PCDHA1: variants seen among roughly 807,000 people sequenced by gnomAD.
PCDHA1 encodes protocadherin alpha 1, also known as protocadherin alpha-1.
PCDHA1 carries 42 observed loss-of-function variants against 61.3 expected under a neutral mutation model. The observed-to-expected ratio is 0.69, with a 90% CI of 0.54 to 0.89. The LOEUF (loss-of-function observed/expected upper bound fraction) is 0.89, where lower values mean the gene tolerates loss of function less well. PCDHA1 is among the 40% of genes least tolerant of loss of function. The pLI is 0.00. For missense variants in PCDHA1, 1,256 were observed against 1,235.3 expected, an observed-to-expected ratio of 1.02 and a Z score of -0.25; for synonymous variants, 610 against 553.8, an observed-to-expected ratio of 1.10 and a Z score of -1.43.
chr5:140,858,323 G>A, intron 1 of PCDHA1: 2 of 1,596,704 alleles, frequency 1.3e-6, no homozygotes, highest in Non-Finnish European at 1.7e-6. Context: ...GGTGTGTTCT[G>A]GGGAGGGCCT....
At chr5:140,829,006 G>T (rs1461525244) in intron 1 of PCDHA1, 12 of 1,613,634 alleles carry the variant, frequency 7.4e-6, no homozygotes, top group Non-Finnish European at 1.0e-5. Flanking sequence ...TAGTGATTCG[G>T]GGTAATTTGG....
chr5:140,836,197 C>T, intron 1 of PCDHA1: 1 of 1,613,818 alleles, frequency 6.2e-7, no homozygotes, highest in Non-Finnish European at 8.5e-7. Flanking sequence ...GGCTACAACG[C>T]GTGGCTTTCG....
chr5:140,808,295 G>C, intron 1 of PCDHA1: 5 of 1,614,248 alleles, frequency 3.1e-6, no homozygotes, highest in Admixed American at 1.7e-5. Flanking sequence ...TACAGTCATC[G>C]CCCTGATCAG....
chr5:140,841,865 G>A, intron 1 of PCDHA1: 1 of 1,613,856 alleles, frequency 6.2e-7, no homozygotes, highest in Non-Finnish European at 8.5e-7. Context: ...CATGCTAGAT[G>A]TGAATTCAAA....
chr5:140,899,982 AT>A (rs1290251020), intron 1 of PCDHA1, among the ~76,000 whole-genome samples: 2 of 150,600 alleles, frequency 1.3e-5, no homozygotes, highest in African/African-American at 4.9e-5. Flanking sequence ...TACTTTTTTG[AT>A]TTTTTTTGTA....
At position 140,821,623 on chromosome 5, in the gene PCDHA1, T is replaced by C. The variant is rs1360154097; in HGVS notation, c.2394+32939T>C. On this transcript the variant is annotated intron_variant, in intron 1 of 3. Transcript: ENST00000504120. ...AGGAATACAGTGAGTAGATTTTCCT[T>C]AGACAGAAAGGAAAAGAACCTTCCA... The C allele has an allele frequency of 5.5e-6, 5 of 902,228 alleles. No individual in the cohort carries two copies. In the East Asian group the frequency reaches 1.3e-4, roughly 24 times the overall value. The allele number at this position is 902,228 out of a possible 1,614,324, so 55.9% of individuals were successfully genotyped here.
intron 1 of PCDHA1, chr5:140,805,353 T>C (rs528843045): frequency 7.5e-6 from 9 of 1,205,696 alleles, no homozygotes; most frequent in Non-Finnish European, 9.3e-6. Context: ...TGTAAAAATA[T>C]AGTTTGGGTC....
chr5:140,996,111 G>C (rs981356405), intron 3 of PCDHA1, among the ~76,000 whole-genome samples: 1 of 152,220 alleles, frequency 6.6e-6, no homozygotes, highest in East Asian at 1.9e-4. Context: ...GTATGGAAGT[G>C]TGCAGGGTGG....
intron 1 of PCDHA1, among the ~76,000 whole-genome samples, chr5:140,941,202 C>CTTTCTTTCTTTCTTTCTTTCTTT (rs1554213921): frequency 9.0e-5 from 11 of 122,780 alleles, no homozygotes; most frequent in East Asian, 8.9e-4. Flanking sequence ...TTTCTTTCTT[C>CTTTCTTTCTTTCTTTCTTTCTTT]CTTTCTTTCT....
chr5:140,887,537 C>T (rs530539711), intron 1 of PCDHA1, among the ~76,000 whole-genome samples: 5 of 152,250 alleles, frequency 3.3e-5, no homozygotes, highest in Admixed American at 1.3e-4. Context: ...TTCCTCTCCC[C>T]ACCCCTCATG....
intron 1 of PCDHA1, chr5:140,823,290 T>C (rs1767640734): frequency 9.9e-6 from 16 of 1,611,998 alleles, no homozygotes; most frequent in Non-Finnish European, 1.2e-5. Context: ...CGCTGTCGAG[T>C]TACGTTTCGG....
chr5:140,926,769 G>T lies in PCDHA1; in HGVS notation c.2395-52180G>T, dbSNP rs1584462454. 7.3e-6 allele frequency: 10 copies of T among 1,360,582 alleles called. No individual in the cohort carries two copies. In the East Asian group the frequency reaches 2.4e-4, roughly 33 times the overall value. 84.3% of individuals were successfully genotyped at this position (1,360,582 alleles called of 1,614,324 possible). On this transcript the variant is annotated intron_variant, in intron 1 of 3. Coordinates refer to ENST00000504120, the MANE Select transcript of PCDHA1 (RefSeq NM_018900.4). ...TCGGCGGTCGCTGAGTATCCAGCCCGCAGCAGTGACGGCCGGCAGGAGCGT... is the reference window on the plus strand; with the variant it reads ...TCGGCGGTCGCTGAGTATCCAGCCCTCAGCAGTGACGGCCGGCAGGAGCGT...
chr5:140,995,346 A>G (rs2097678208), intron 3 of PCDHA1, among the ~76,000 whole-genome samples: 2 of 151,964 alleles, frequency 1.3e-5, no homozygotes, highest in South Asian at 4.2e-4. Context: ...GACGGCATGG[A>G]TAGGTCGGAC....
At chr5:140,834,311 T>C in intron 1 of PCDHA1, 2 of 1,357,576 alleles carry the variant, frequency 1.5e-6, no homozygotes, top group Non-Finnish European at 2.0e-6. Context: ...GAGATTGAAA[T>C]GAAGGGATAA....
intron 1 of PCDHA1, chr5:140,795,259 A>G (rs1554119335): frequency 6.2e-7 from 1 of 1,614,178 alleles, no homozygotes; most frequent in Non-Finnish European, 8.5e-7. Context: ...GTGCGGGCGG[A>G]GCGCGGAATG....
intron 1 of PCDHA1, among the ~76,000 whole-genome samples, chr5:140,942,586 A>C (rs559683622): frequency 1.3e-5 from 2 of 150,518 alleles, no homozygotes; most frequent in African/African-American, 4.9e-5. Context: ...ATAGGATGTC[A>C]CATATAATTA....
chr5:140,862,647 C>T (rs2047469341), intron 1 of PCDHA1: 12 of 541,942 alleles, frequency 2.2e-5, no homozygotes, highest in South Asian at 1.7e-4. Context: ...TCACAGTGTC[C>T]GCGCGGGACC....
At chr5:140,922,856 T>C (rs2081036799) in intron 1 of PCDHA1, among the ~76,000 whole-genome samples, 1 of 152,072 alleles carries the variant, frequency 6.6e-6, no homozygotes, top group Non-Finnish European at 1.5e-5. Context: ...ACCAAATACA[T>C]AGACAAGGGG....
At chr5:140,894,841 T>C in intron 1 of PCDHA1, among the ~76,000 whole-genome samples, 1 of 152,184 alleles carries the variant, frequency 6.6e-6, no homozygotes, top group East Asian at 1.9e-4. Context: ...TTTCTTATGC[T>C]CATTTTTATA....
Sources: gnomAD v4.1 joint callset for allele counts (sites outside exome capture counted in the v4.1 genomes callset) on GRCh38, gnomAD v4.1.1 for gene constraint, MANE v1.5 for transcripts, NCBI Gene and HGNC (gene_info 2026-07-23, HGNC 2026-07-21) for gene names.